Variants in SPIDR observed in about 807,000 individuals in gnomAD.
SPIDR encodes DNA repair-scaffolding protein.
A neutral mutation model predicts 104.6 loss-of-function variants in SPIDR; 93 were observed. The observed-to-expected ratio is 0.89, with a 90% CI of 0.75 to 1.06. The LOEUF is 1.06. Among genes scored for constraint, SPIDR ranks in the 50% least tolerant of loss-of-function variants. The probability of loss-of-function intolerance (pLI) is 0.00; values close to 1 mark genes in which losing one functional copy is unlikely to be tolerated. For synonymous variants in SPIDR, 431 were observed against 416.9 expected (o/e 1.03, Z -0.41); for missense variants, 1,154 against 1,111.2 (o/e 1.04, Z -0.55).
At chr8:47,686,626 G>C (rs1413235997) in intron 11 of SPIDR, among the ~76,000 whole-genome samples, 1 of 152,038 alleles carries the variant, frequency 6.6e-6, no homozygotes, top group Non-Finnish European at 1.5e-5. Context: ...ATGTGAGCTG[G>C]GTCTTAAGAC....
intron 8 of SPIDR, among the ~76,000 whole-genome samples, chr8:47,559,497 C>G (rs2056801518): frequency 1.3e-5 from 2 of 152,210 alleles, no homozygotes; most frequent in Admixed American, 1.3e-4. Context: ...CATCCAGTTA[C>G]CCAGGCCTTT....
intron 5 of SPIDR, among the ~76,000 whole-genome samples, chr8:47,377,048 A>G (rs540695288): frequency 6.6e-6 from 1 of 152,316 alleles, no homozygotes; most frequent in African/African-American, 2.4e-5. Context: ...AATATTTACC[A>G]TATAGTCCTT....
At chr8:47,321,908 C>G (rs1287923453) in intron 5 of SPIDR, among the ~76,000 whole-genome samples, 8 of 152,090 alleles carry the variant, frequency 5.3e-5, no homozygotes, top group African/African-American at 1.9e-4. Context: ...AAAAGTGAAA[C>G]TGGATCCCTT....
intron 5 of SPIDR, among the ~76,000 whole-genome samples, chr8:47,312,395 T>G (rs2154255309): frequency 6.6e-6 from 1 of 152,340 alleles, no homozygotes; most frequent in Non-Finnish European, 1.5e-5. Flanking sequence ...TTTCCTGACT[T>G]TTTAATGATC....
intron 8 of SPIDR, among the ~76,000 whole-genome samples, chr8:47,479,439 A>G (rs2076642852): frequency 6.6e-6 from 1 of 152,148 alleles, no homozygotes; most frequent in Admixed American, 6.5e-5. Flanking sequence ...AAAGTATCTT[A>G]TAAGAGAAGG....
intron 5 of SPIDR, among the ~76,000 whole-genome samples, chr8:47,303,011 T>A (rs1356381789): frequency 6.6e-6 from 1 of 152,220 alleles, no homozygotes; most frequent in Non-Finnish European, 1.5e-5. Flanking sequence ...AGATTTCTGC[T>A]GCGTTTTGTT....
At chr8:47,277,713 G>T (rs1554555233) in intron 1 of SPIDR, among the ~76,000 whole-genome samples, 1,580 of 122,288 alleles carry the variant, frequency 0.013, 22 homozygotes, top group Admixed American at 0.019. Context: ...TCGCCTTGTT[G>T]CCCAGGCTGG....
intron 3 of SPIDR, among the ~76,000 whole-genome samples, chr8:47,285,197 A>G (rs1275782260): frequency 6.6e-6 from 1 of 152,220 alleles, no homozygotes; most frequent in Non-Finnish European, 1.5e-5. Context: ...GAGCTATGTG[A>G]AAGCCTATTC....
rs756849466 is a variant in SPIDR, at chr8:47,701,794, T to C, written c.1847T>C (p.Ile616Thr). 1.9e-6 allele frequency: 3 copies of C among 1,614,190 alleles called. No homozygotes were observed. Among genetic ancestry groups the C allele is most frequent in the East Asian group, 4.5e-5 (2 of 44,884 alleles). The change falls in exon 13 of 20, where the codon ATA becomes ACA. Residue 616 changes from isoleucine to threonine, a missense_variant. Transcript: ENST00000297423. ...TAHPNLGQID[I>T]IDEDPIYKLY... Reference sequence around the variant, plus strand: ...CATCCAAATCTGGGACAAATTGATATAATTGACGAAGACCCCATTTATAAG... The same window carrying C: ...CATCCAAATCTGGGACAAATTGATACAATTGACGAAGACCCCATTTATAAG...
intron 5 of SPIDR, among the ~76,000 whole-genome samples, chr8:47,370,768 A>G (rs373752723): frequency 6.6e-6 from 1 of 151,844 alleles, no homozygotes; most frequent in South Asian, 2.1e-4. Context: ...TTTATTTTAT[A>G]TTCTCTCGCA....
At chr8:47,522,717 A>T (rs1233837147) in intron 8 of SPIDR, among the ~76,000 whole-genome samples, 3 of 152,258 alleles carry the variant, frequency 2.0e-5, no homozygotes, top group African/African-American at 4.8e-5. Context: ...TGCAATTTTT[A>T]AAAACATGGT....
Position 47,321,252 on chromosome 8 carries a change from G to C in SPIDR, c.525+27222G>C, listed in dbSNP as rs528610179. On this transcript the variant is annotated intron_variant, in intron 5 of 19. Coordinates refer to ENST00000297423, the MANE Select transcript of SPIDR (RefSeq NM_001080394.4). ...ATAGGCAACTTCAGCAAAGTCTCAG[G>C]ATACAAAATCAATGTGCAAAAATCA... is the stretch of plus-strand genomic sequence containing the variant. Among the ~76,000 whole-genome samples, 7 of 152,236 alleles carry C rather than the reference G, an allele frequency of 4.6e-5. No homozygotes were observed. In the South Asian group the frequency reaches 1.5e-3, roughly 32 times the overall value.
chr8:47,294,222 A>T lies in SPIDR; in HGVS notation c.525+192A>T, dbSNP rs1554571343. On this transcript the variant is annotated intron_variant, in intron 5 of 19. Coordinates refer to ENST00000297423, the MANE Select transcript of SPIDR (RefSeq NM_001080394.4). ...TGTGCTGTACTTCTCAACATGGATAAATATTGATCTCACTTCTCTTTCACT... is the reference window on the plus strand; with the variant it reads ...TGTGCTGTACTTCTCAACATGGATATATATTGATCTCACTTCTCTTTCACT... 351 of 594,960 alleles carry T rather than the reference A, an allele frequency of 5.9e-4. 1 individual carries two copies. The highest frequency in any genetic ancestry group is 8.3e-4 in the Non-Finnish European group (313 of 377,130). 36.9% of individuals were successfully genotyped at this position (594,960 alleles called of 1,614,324 possible). A position where few individuals can be genotyped will look rare whatever the true frequency, so the allele number is the denominator to read the frequency against.
chr8:47,660,057 G>T (rs1009147448), intron 10 of SPIDR, among the ~76,000 whole-genome samples: 3 of 152,214 alleles, frequency 2.0e-5, no homozygotes, highest in African/African-American at 7.2e-5. Flanking sequence ...GTGAATGAAA[G>T]AAAGGGAAAA....
intron 8 of SPIDR, among the ~76,000 whole-genome samples, chr8:47,552,935 A>C (rs988411453): frequency 6.6e-6 from 1 of 151,996 alleles, no homozygotes; most frequent in Non-Finnish European, 1.5e-5. Flanking sequence ...TTCCTTCAGG[A>C]GCTCTTGCAT....
At chr8:47,515,001 G>T (rs1322634854) in intron 8 of SPIDR, among the ~76,000 whole-genome samples, 1 of 152,052 alleles carries the variant, frequency 6.6e-6, no homozygotes, top group Non-Finnish European at 1.5e-5. Flanking sequence ...TTTTAAACAC[G>T]ATTTCCTGTT....
intron 10 of SPIDR, among the ~76,000 whole-genome samples, chr8:47,645,185 C>T (rs779761913): frequency 6.6e-6 from 1 of 152,162 alleles, no homozygotes; most frequent in Non-Finnish European, 1.5e-5. Context: ...AGAATAGGAA[C>T]AGGAAACAAG....
chr8:47,438,843 G>A (rs1554694269), intron 7 of SPIDR, among the ~76,000 whole-genome samples: 1 of 152,126 alleles, frequency 6.6e-6, no homozygotes, highest in Non-Finnish European at 1.5e-5. Flanking sequence ...AGGAAGGGAT[G>A]AAAAATTTGG....
rs565713621 is a variant in SPIDR at position 47,482,899 on chromosome 8, G to A, written c.1097+42357G>A. On this transcript the variant is annotated intron_variant, in intron 8 of 19. Transcript: ENST00000297423. ...CGCCCAAGCTGGAGTGCAGTGGTGC[G>A]ATCTCAGCAGCTGTGTTTTTAAGAA... Among the ~76,000 whole-genome samples, 10 of 152,094 alleles carry A rather than the reference G, an allele frequency of 6.6e-5. No individual in the cohort carries two copies. In the East Asian group the frequency reaches 7.7e-4, roughly 12 times the overall value.
Sources: gnomAD v4.1 joint callset for allele counts (sites outside exome capture counted in the v4.1 genomes callset) on GRCh38, gnomAD v4.1.1 for gene constraint, MANE v1.5 for transcripts, NCBI Gene and HGNC (gene_info 2026-07-23, HGNC 2026-07-21) for gene names.